Variants in CALR3 observed in about 807,000 individuals in gnomAD.
CALR3 encodes the protein calreticulin-3.
Under a neutral mutation model 48.7 loss-of-function variants are expected in CALR3, and 39 were observed. The observed-to-expected ratio is 0.80, with a 90% CI of 0.62 to 1.05. CALR3 has a LOEUF of 1.05. Ranked by LOEUF, CALR3 falls within the 50% of genes least tolerant of loss-of-function variation. CALR3 has a pLI of 0.00. For synonymous variants in CALR3, 185 were observed against 172.7 expected, an observed-to-expected ratio of 1.07 and a Z score of -0.56; for missense variants, 449 against 474.7, an observed-to-expected ratio of 0.95 and a Z score of 0.50.
At chr19:16,486,180 G>A (rs954133105) in intron 3 of CALR3, among the ~76,000 whole-genome samples, 1 of 151,950 alleles carries the variant, frequency 6.6e-6, no homozygotes, top group Non-Finnish European at 1.5e-5. Flanking sequence ...GCTGGGAGTG[G>A]TGGCGTGTCC....
At chr19:16,487,135 A>T (rs1599719504) in intron 3 of CALR3, among the ~76,000 whole-genome samples, 1 of 151,990 alleles carries the variant, frequency 6.6e-6, no homozygotes, top group Non-Finnish European at 1.5e-5. Flanking sequence ...CCTCCTGAGT[A>T]GCTAGAACCA....
Position 16,484,562 on chromosome 19 carries a change from G to A in CALR3, c.493-447C>T, listed in dbSNP as rs144433757. Among the ~76,000 whole-genome samples the A allele has an allele frequency of 4.4e-3, 670 of 152,096 alleles. 4 individuals are homozygous for A. Among genetic ancestry groups the A allele is most frequent in the African/African-American group, 0.015 (620 of 41,484 alleles). On this transcript the variant is annotated intron_variant, in intron 4 of 8. Coordinates refer to ENST00000269881, the MANE Select transcript of CALR3 (RefSeq NM_145046.5). ...AGACAGGGTCTTGCTCTGTCACCCA[G>A]GCTGGAGTGCAGTGGTGCAATCAGA...
chr19:16,483,228 C>T (rs963214077), intron 5 of CALR3, among the ~76,000 whole-genome samples: 1 of 152,172 alleles, frequency 6.6e-6, no homozygotes, highest in Non-Finnish European at 1.5e-5. Flanking sequence ...GTCCCTCTCC[C>T]TTCTTCAGTT....
intron 4 of CALR3, among the ~76,000 whole-genome samples, chr19:16,484,593 C>CT (rs1352860057): frequency 6.6e-6 from 1 of 152,156 alleles, no homozygotes; most frequent in Non-Finnish European, 1.5e-5. Flanking sequence ...TCAGAGCTCA[C>CT]TACAACCTTG....
At chr19:16,490,718 A>C in intron 2 of CALR3, 148 bp from the exon 3 acceptor site, 1 of 770,490 alleles carries the variant, frequency 1.3e-6, no homozygotes, top group African/African-American at 1.7e-5. Flanking sequence ...ATTATACAAT[A>C]ATGCATAATG....
intron 7 of CALR3, among the ~76,000 whole-genome samples, chr19:16,481,167 A>G (rs1007286759): frequency 1.3e-5 from 2 of 152,092 alleles, no homozygotes; most frequent in East Asian, 3.9e-4. Flanking sequence ...GAAAAAAAAA[A>G]AAGAACTGGG....
intron 2 of CALR3, among the ~76,000 whole-genome samples, chr19:16,491,411 C>T (rs1056136801): frequency 3.3e-5 from 5 of 151,592 alleles, no homozygotes; most frequent in South Asian, 4.2e-4. Context: ...CGTGAGCCAC[C>T]GTGCCCGACT....
chr19:16,485,328 ATTCT>A, intron 3 of CALR3, 71 bp from the exon 4 acceptor site: 1 of 950,226 alleles, frequency 1.1e-6, no homozygotes, highest in Non-Finnish European at 1.6e-6. Context: ...ACCCACAACC[ATTCT>A]TTTTTTTTTT....
In CALR3 at chr19:16,496,097, T is replaced by A; in HGVS notation, c.33A>T (p.Ile11=). MARALVQLWA[I]CMLRVALATV... is the part of the protein sequence containing the mutation. ...TAGCCAGCGCCACTCGCAGCATGCA[T>A]ATGGCCCAGAGCTGGACCAAAGCCC... Residue 11 remains isoleucine (I), a synonymous_variant, in exon 1 of 9, where the codon ATA becomes ATT. Transcript: ENST00000269881. 6.2e-7 allele frequency: 1 copy of A among 1,607,126 alleles called. No individual in the cohort carries two copies. Among genetic ancestry groups the A allele is most frequent in the African/African-American group, 1.3e-5 (1 of 74,936 alleles).
rs150376706 is a variant in CALR3 at position 16,484,000 on chromosome 19, G to T, written c.608C>A (p.Thr203Lys). Residue 203 changes from threonine (T) to lysine (K), a missense_variant, in exon 5 of 9, where the codon ACA becomes AAA. By Grantham distance (78) the Thr-to-Lys change is moderately conservative. Transcript: ENST00000269881. ...CGGGGACGTTTCCTTCTTGAGTGATGTTAAGTTCCAGTCGTACTCTATGCT... is the reference window on the plus strand; with the variant it reads ...CGGGGACGTTTCCTTCTTGAGTGATTTTAAGTTCCAGTCGTACTCTATGCT... ...SGSIEYDWNL[T>K]SLKKETSPAE... The T allele has an allele frequency of 1.2e-6, 2 of 1,613,986 alleles. No individual in the cohort carries two copies. Among genetic ancestry groups the T allele is most frequent in the Admixed American group, 1.7e-5 (1 of 59,950 alleles).
chr19:16,482,538 T>A lies in CALR3; in HGVS notation c.830A>T (p.His277Leu), dbSNP rs1190733550. The A allele has an allele frequency of 6.2e-7, 1 of 1,614,190 alleles. No individual in the cohort carries two copies. The highest frequency in any genetic ancestry group is 1.1e-5 in the South Asian group (1 of 91,078). The change falls in exon 7 of 9, where the codon CAC becomes CTC. Residue 277 changes from histidine (H) to leucine (L), a missense_variant. By Grantham distance (99) the His-to-Leu change is moderately conservative. Transcript: ENST00000269881. ...PEGIHKDVWL[H>L]RKMKNTDYLT... Reference sequence around the variant, plus strand: ...ATAGTCGGTATTCTTCATCTTACGGTGGAGCCAGACGTCTTTATGAATACC... The same window carrying A: ...ATAGTCGGTATTCTTCATCTTACGGAGGAGCCAGACGTCTTTATGAATACC...
At chr19:16,495,419 C>T (rs1164315289) in intron 2 of CALR3, among the ~76,000 whole-genome samples, 4 of 151,358 alleles carry the variant, frequency 2.6e-5, no homozygotes, top group African/African-American at 9.7e-5. Context: ...ATTAGCCGGT[C>T]ATGGTGGCGC....
chr19:16,490,612 G>T, intron 2 of CALR3, 42 bp from the exon 3 acceptor site: 1 of 1,549,394 alleles, frequency 6.5e-7, no homozygotes, highest in Non-Finnish European at 8.9e-7. Flanking sequence ...GAATGACGCT[G>T]CGCTAAGTAA....
chr19:16,489,619 CAAA>C (rs56111667), intron 3 of CALR3, among the ~76,000 whole-genome samples: 1 of 139,018 alleles, frequency 7.2e-6, no homozygotes. Context: ...AACTCTGTCT[CAAA>C]AAAAAAAAAA....
In CALR3 at chr19:16,482,535, CGGT is replaced by C; in HGVS notation, c.830_832del (p.His277del). ...CAAATAGTCGGTATTCTTCATCTTACGGTGGAGCCAGACGTCTTTATGAATACC... is the reference window on the plus strand; with the variant it reads ...CAAATAGTCGGTATTCTTCATCTTACGGAGCCAGACGTCTTTATGAATACC... On this transcript the variant is annotated inframe_deletion, in exon 7 of 9. Transcript: ENST00000269881. 1 of 1,614,204 alleles carries C rather than the reference CGGT, an allele frequency of 6.2e-7. No individual in the cohort carries two copies. The highest frequency in any genetic ancestry group is 1.1e-5 in the South Asian group (1 of 91,086).
chr19:16,484,031 A>T lies in CALR3; in HGVS notation c.577T>A (p.Ser193Thr). The change falls in exon 5 of 9, where the codon TCC becomes ACC. Residue 193 changes from serine to threonine, a missense_variant. Transcript: ENST00000269881. The stretch of plus-strand genomic sequence containing the variant: ...TTCCAGTCGTACTCTATGCTGCCGG[A>T]TTCAATTGACTGACCATCAATTTTC... Reference protein sequence around the residue: ...DVKIDGQSIESGSIEYDWNLT... With the variant: ...DVKIDGQSIETGSIEYDWNLT... 1 of 1,614,084 alleles carries T rather than the reference A, an allele frequency of 6.2e-7. No homozygotes were observed. The highest frequency in any genetic ancestry group is 1.1e-5 in the South Asian group (1 of 91,080).
intron 3 of CALR3, among the ~76,000 whole-genome samples, chr19:16,487,824 T>G (rs2093391552): frequency 6.6e-6 from 1 of 151,034 alleles, no homozygotes; most frequent in Non-Finnish European, 1.5e-5. Context: ...ATTTTTTTTT[T>G]TTTTTTTGAG....
At chr19:16,494,243 G>C (rs1030435900) in intron 2 of CALR3, among the ~76,000 whole-genome samples, 2 of 151,842 alleles carry the variant, frequency 1.3e-5, no homozygotes, top group African/African-American at 4.8e-5. Flanking sequence ...TTGTATTTTT[G>C]TGGAGACAGG....
chr19:16,482,026 C>T (rs1454814026), intron 7 of CALR3, among the ~76,000 whole-genome samples: 3 of 150,800 alleles, frequency 2.0e-5, no homozygotes, highest in African/African-American at 7.3e-5. Flanking sequence ...CCTGCCTCAG[C>T]GTCCCGAGTA....
Sources: allele counts gnomAD v4.1 joint callset (sites outside exome capture counted in the v4.1 genomes callset), GRCh38; gene constraint gnomAD v4.1.1; transcripts MANE v1.5; gene names NCBI Gene and HGNC (gene_info 2026-07-23, HGNC 2026-07-21).